Variants in ARID3B observed in about 807,000 individuals in gnomAD.
The protein encoded by ARID3B is AT-rich interactive domain-containing protein 3B.
A neutral mutation model predicts 51.9 loss-of-function variants in ARID3B; 10 were observed. The observed-to-expected ratio is 0.19, with a 90% CI of 0.12 to 0.33. ARID3B has a LOEUF of 0.33. ARID3B is among the 10% of genes least tolerant of loss of function. ARID3B has a pLI of 1.00. For missense variants in ARID3B, 483 were observed against 716.3 expected, an observed-to-expected ratio of 0.67 and a Z score of 3.72; for synonymous variants, 205 against 279.5, an observed-to-expected ratio of 0.73 and a Z score of 2.66.
intron 4 of ARID3B, among the ~76,000 whole-genome samples, chr15:74,577,436 C>T (rs187014914): frequency 2.6e-5 from 4 of 152,104 alleles, no homozygotes; most frequent in East Asian, 1.9e-4. Context: ...GCCTGGGTGA[C>T]GAGCGAAACT....
chr15:74,570,986 T>C (rs1453173021), intron 2 of ARID3B, among the ~76,000 whole-genome samples: 1 of 152,132 alleles, frequency 6.6e-6, no homozygotes, highest in Non-Finnish European at 1.5e-5. Context: ...AGATGATGAG[T>C]GCATGGTCAG....
At chr15:74,589,165 C>T (rs1179423165) in intron 4 of ARID3B, among the ~76,000 whole-genome samples, 1 of 151,236 alleles carries the variant, frequency 6.6e-6, no homozygotes, top group African/African-American at 2.4e-5. Context: ...GTAGCTGGGA[C>T]TACAGGCGCC....
rs780650269 is a variant in ARID3B, at chr15:74,597,927, A to G, written c.*2153A>G. 61 of 530,642 alleles carry G rather than the reference A, an allele frequency of 1.1e-4. No individual in the cohort carries two copies. The highest frequency in any genetic ancestry group is 9.9e-4 in the African/African-American group (53 of 53,634). The allele number at this position is 530,642 out of a possible 1,614,324, so 32.9% of individuals were successfully genotyped here. On this transcript the variant is annotated 3_prime_UTR_variant, in exon 9 of 9. Coordinates refer to ENST00000346246, the MANE Select transcript of ARID3B (RefSeq NM_006465.4). ...AAGCAGAGCTTCCCCTGAAGGTGCC[A>G]TCAGCCAGGGCAGCTCTGTCCCCTC...
intron 2 of ARID3B, among the ~76,000 whole-genome samples, chr15:74,547,918 T>G (rs1029959774): frequency 2.6e-5 from 4 of 152,354 alleles, no homozygotes; most frequent in Admixed American, 2.0e-4. Context: ...TTCCAGAGAT[T>G]ATTCTTTGCA....
chr15:74,593,315 T>TCTGAAC (rs2061811004), intron 8 of ARID3B, 79 bp downstream of exon 8: 37 of 1,350,358 alleles, frequency 2.7e-5, no homozygotes, highest in Non-Finnish European at 3.8e-5. Context: ...CCCTGCCTCT[T>TCTGAAC]ACCCTCTGTC....
chr15:74,556,776 G>GTTTT (rs1283802329), intron 2 of ARID3B, among the ~76,000 whole-genome samples: 3,693 of 122,432 alleles, frequency 0.03, 296 homozygotes, highest in African/African-American at 0.1. Flanking sequence ...TTTGTTTTTT[G>GTTTT]TTTTTTTTTT....
intron 2 of ARID3B, among the ~76,000 whole-genome samples, chr15:74,563,947 C>A (rs570058856): frequency 6.6e-6 from 1 of 152,318 alleles, no homozygotes; most frequent in East Asian, 1.9e-4. Context: ...CTCTCTTCCT[C>A]CCCTGCTCTG....
chr15:74,578,011 C>T (rs1052346175), intron 4 of ARID3B, among the ~76,000 whole-genome samples: 1 of 151,338 alleles, frequency 6.6e-6, no homozygotes, highest in African/African-American at 2.4e-5. Flanking sequence ...CCATGCACCA[C>T]CATGCCTGGC....
rs1477246269 is a variant in ARID3B, at chr15:74,595,982, C to T, written c.*208C>T. The T allele has an allele frequency of 3.3e-5, 19 of 567,482 alleles. No individual in the cohort carries two copies. The highest frequency in any genetic ancestry group is 5.5e-5 in the Non-Finnish European group (18 of 330,204). The allele number at this position is 567,482 out of a possible 1,614,324, so 35.2% of individuals were successfully genotyped here. On this transcript the variant is annotated 3_prime_UTR_variant, in exon 9 of 9. Transcript: ENST00000346246. Reference sequence around the variant, plus strand: ...GAGGCTAGAGGGGCAGGACAGACAGCGTTGTCCAATCAGGGATTGTCCTGG... The same window carrying T: ...GAGGCTAGAGGGGCAGGACAGACAGTGTTGTCCAATCAGGGATTGTCCTGG...
rs1280400918 is a variant in ARID3B at position 74,596,854 on chromosome 15, C to A, written c.*1080C>A. 4.3e-6 allele frequency: 1 copy of A among 233,512 alleles called. No homozygotes were observed. The highest frequency in any genetic ancestry group is 8.5e-6 in the Non-Finnish European group (1 of 117,978). The allele number at this position is 233,512 out of a possible 1,614,324, so 14.5% of individuals were successfully genotyped here. A position where few individuals can be genotyped will look rare whatever the true frequency, so the allele number is the denominator to read the frequency against. ...CCAAAGAAATGAAAACAGATCACCC[C>A]CAAAGCCAAGCAAGTGATTGGGTAA... On this transcript the variant is annotated 3_prime_UTR_variant, in exon 9 of 9. Coordinates refer to ENST00000346246, the MANE Select transcript of ARID3B (RefSeq NM_006465.4).
chr15:74,561,586 A>G (rs1018768113), intron 2 of ARID3B, among the ~76,000 whole-genome samples: 4 of 152,138 alleles, frequency 2.6e-5, no homozygotes, highest in African/African-American at 7.2e-5. Flanking sequence ...TTGATTCCCA[A>G]CTCCACCATT....
intron 2 of ARID3B, among the ~76,000 whole-genome samples, chr15:74,549,668 C>T (rs146236407): frequency 2.0e-3 from 308 of 152,072 alleles, no homozygotes; most frequent in African/African-American, 6.9e-3. Context: ...AGAAAATGTT[C>T]GTAGGCTTTC....
At position 74,591,313 on chromosome 15, in the gene ARID3B, T is replaced by C. The variant is rs541636797; in HGVS notation, c.1044T>C (p.Ala348=). 1.2e-6 allele frequency: 2 copies of C among 1,613,928 alleles called. No homozygotes were observed. Among genetic ancestry groups the C allele is most frequent in the Non-Finnish European group, 1.7e-6 (2 of 1,179,936 alleles). Residue 348 remains alanine, a synonymous_variant, in exon 6 of 9, where the codon GCT becomes GCC. Coordinates refer to ENST00000346246, the MANE Select transcript of ARID3B (RefSeq NM_006465.4). The surrounding 1 kb of genome is among the most constrained non-coding windows in gnomAD (Gnocchi z 5.8). ...YSPAAATAAA[A]AGAPALLSPP... is the part of the protein sequence containing the mutation. ...CTGCTGCGGCTACTGCTGCTGCCGC[T>C]GCCGGGGCCCCTGCCCTTCTCTCCC... is the stretch of plus-strand genomic sequence containing the variant.
Position 74,570,064 on chromosome 15 carries a change from G to T in ARID3B, c.553-2798G>T, listed in dbSNP as rs544247402. On this transcript the variant is annotated intron_variant, in intron 2 of 8. Coordinates refer to ENST00000346246, the MANE Select transcript of ARID3B (RefSeq NM_006465.4). ...GAGTTCGGTGTCTCATTTCTTTCCT[G>T]CTCTGGCAAGTCTTCCTGACCTCTG... is the stretch of plus-strand genomic sequence containing the variant. 2.0e-5 allele frequency among the ~76,000 whole-genome samples: 3 copies of T among 152,190 alleles called. No homozygotes were observed. In the East Asian group the frequency reaches 5.8e-4, roughly 29 times the overall value.
Position 74,595,830 on chromosome 15 carries a change from A to C in ARID3B, c.*56A>C. The C allele has an allele frequency of 6.4e-7, 1 of 1,551,110 alleles. No individual in the cohort carries two copies. The highest frequency in any genetic ancestry group is 8.7e-7 in the Non-Finnish European group (1 of 1,147,572). ...CTCCTGTCGAGAGTGAAGGAAGTTGATGCACAGAATTTACCTCATCTCACA... is the reference window on the plus strand; with the variant it reads ...CTCCTGTCGAGAGTGAAGGAAGTTGCTGCACAGAATTTACCTCATCTCACA... On this transcript the variant is annotated 3_prime_UTR_variant, in exon 9 of 9. Coordinates refer to ENST00000346246, the MANE Select transcript of ARID3B (RefSeq NM_006465.4).
At position 74,591,350 on chromosome 15, in the gene ARID3B, C is replaced by A. The variant is rs759163368; in HGVS notation, c.1081C>A (p.Arg361Ser). 6.2e-7 allele frequency: 1 copy of A among 1,613,936 alleles called. No homozygotes were observed. The highest frequency in any genetic ancestry group is 8.5e-7 in the Non-Finnish European group (1 of 1,179,940). The change falls in exon 6 of 9, where the codon CGC (arginine) becomes AGC (serine). Residue 361 changes from arginine to serine, a missense_variant. Around this residue, in one of 3 missense-constraint regions of ARID3B, gnomAD observed 265 missense variants for 354.4 expected, o/e 0.75. Transcript: ENST00000346246. This position sits in a 1 kb window ranked among gnomAD's most constrained non-coding sequence, Gnocchi z 5.8. ...APALLSPPKI[R>S]FPILGLGSSS... ...TGCCCTTCTCTCCCCACCCAAGATC[C>A]GCTTTCCCATCCTTGGGCTTGGCTC... is the stretch of plus-strand genomic sequence containing the variant.
chr15:74,546,440 T>A (rs1450172994), intron 2 of ARID3B, among the ~76,000 whole-genome samples: 1 of 152,166 alleles, frequency 6.6e-6, no homozygotes, highest in African/African-American at 2.4e-5. Context: ...GAGGAACAAG[T>A]GGAGCTCCAG....
In ARID3B at chr15:74,591,343, C is replaced by A; in HGVS notation, c.1074C>A (p.Pro358=). The A allele has an allele frequency of 6.2e-7, 1 of 1,614,070 alleles. No individual in the cohort carries two copies. The highest frequency in any genetic ancestry group is 8.5e-7 in the Non-Finnish European group (1 of 1,179,924). Residue 358 remains proline, a synonymous_variant, in exon 6 of 9, where the codon CCC becomes CCA. Coordinates refer to ENST00000346246, the MANE Select transcript of ARID3B (RefSeq NM_006465.4). The surrounding 1 kb of genome is among the most constrained non-coding windows in gnomAD (Gnocchi z 5.8). The stretch of plus-strand genomic sequence containing the variant: ...GGGCCCCTGCCCTTCTCTCCCCACC[C>A]AAGATCCGCTTTCCCATCCTTGGGC... ...AAGAPALLSP[P]KIRFPILGLG... is the part of the protein sequence containing the mutation.
In ARID3B at chr15:74,543,949, C is replaced by A. The variant is rs751127718; in HGVS notation, c.13C>A (p.Gln5Lys). 35 of 1,558,432 alleles carry A rather than the reference C, an allele frequency of 2.2e-5. 1 individual carries two copies. In the Middle Eastern group the frequency reaches 5.1e-4, roughly 23 times the overall value. MEPL[Q>K]QQQQQQQQQQ... Reference sequence around the variant, plus strand: ...GCTTGAGGCAAAAATGGAGCCACTTCAGCAGCAGCAGCAGCAGCAGCAGCA... The same window carrying A: ...GCTTGAGGCAAAAATGGAGCCACTTAAGCAGCAGCAGCAGCAGCAGCAGCA... The change falls in exon 2 of 9, where the codon CAG becomes AAG. Residue 5 changes from glutamine to lysine, a missense_variant. Physicochemically the swap from Gln to Lys is moderately conservative, Grantham distance 53 (BLOSUM62 1). Coordinates refer to ENST00000346246, the MANE Select transcript of ARID3B (RefSeq NM_006465.4).
Sources: allele counts gnomAD v4.1 joint callset (sites outside exome capture counted in the v4.1 genomes callset), GRCh38; gene constraint gnomAD v4.1.1; regional missense constraint gnomAD v4.1.1; non-coding constraint Gnocchi (gnomAD v3.1); transcripts MANE v1.5; gene names NCBI Gene and HGNC (gene_info 2026-07-23, HGNC 2026-07-21).